Variants in FRA10AC1 observed in about 807,000 individuals in gnomAD.
FRA10AC1 encodes the protein protein FRA10AC1.
A neutral mutation model predicts 56.5 loss-of-function variants in FRA10AC1; 43 were observed. That is an observed-to-expected ratio of 0.76 (90% CI 0.60 to 0.98). FRA10AC1 has a LOEUF of 0.98. Among genes scored for constraint, FRA10AC1 ranks in the 50% least tolerant of loss-of-function variants. FRA10AC1 has a pLI of 0.00. For missense variants in FRA10AC1, 346 were observed against 351.8 expected (o/e 0.98, Z 0.13); for synonymous variants, 112 against 110.5 (o/e 1.01, Z -0.09).
In FRA10AC1 at chr10:93,692,060, T is replaced by C. The variant is rs2059132982; in HGVS notation, c.414A>G (p.Lys138=). 3 of 1,560,398 alleles carry C rather than the reference T, an allele frequency of 1.9e-6. No individual in the cohort carries two copies. The highest frequency in any genetic ancestry group is 2.6e-6 in the Non-Finnish European group (3 of 1,158,176). The change falls in exon 7 of 14, where the codon AAA becomes AAG. Residue 138 remains lysine (K), a synonymous_variant. Coordinates refer to ENST00000359204, the MANE Select transcript of FRA10AC1 (RefSeq NM_145246.5). ...CTGCTATGCAGTATTCCTTAAATAA[T>C]TTATCATAGTATTTCTTAGCAAGTC... ...EKRLAKKYYD[K]LFKEYCIADL...
At chr10:93,675,309 G>A (rs1361009782) in intron 12 of FRA10AC1, 4 of 152,068 alleles carry the variant, frequency 2.6e-5, no homozygotes, top group Non-Finnish European at 5.9e-5. Context: ...GTTTATATTT[G>A]AGTTTTGAAA....
At chr10:93,697,155 C>T (rs2133942105) in intron 4 of FRA10AC1, among the ~76,000 whole-genome samples, 1 of 152,236 alleles carries the variant, frequency 6.6e-6, no homozygotes, top group South Asian at 2.1e-4. Flanking sequence ...GCTCCAACTC[C>T]TCCTATGCCA....
At position 93,685,410 on chromosome 10, in the gene FRA10AC1, C is replaced by CTA. The variant is rs753669461; in HGVS notation, c.512-53_512-52dup. The CTA allele has an allele frequency of 9.2e-5, 77 of 835,540 alleles. 1 individual carries two copies. The South Asian group carries it at 1.1e-3, about 12-fold the overall frequency. The allele number at this position is 835,540 out of a possible 1,614,324, so 51.8% of individuals were successfully genotyped here. A position where few individuals can be genotyped will look rare whatever the true frequency, so the allele number is the denominator to read the frequency against. On this transcript the variant is annotated intron_variant, in intron 8 of 13. Transcript: ENST00000359204. Reference sequence around the variant, plus strand: ...TATGGTAGTTGGTGATAATATTTATCTATATGATCTAGTATTACCCCTAAA... The same window carrying CTA: ...TATGGTAGTTGGTGATAATATTTATCTATATATGATCTAGTATTACCCCTAAA...
At chr10:93,699,552 CA>C (rs1469069496) in intron 2 of FRA10AC1, among the ~76,000 whole-genome samples, 1 of 152,106 alleles carries the variant, frequency 6.6e-6, no homozygotes, top group Non-Finnish European at 1.5e-5. Flanking sequence ...TCTTGCAATT[CA>C]AAAAAACCTT....
intron 11 of FRA10AC1, among the ~76,000 whole-genome samples, chr10:93,679,606 C>T (rs1224124501): frequency 6.6e-6 from 1 of 152,028 alleles, no homozygotes. Flanking sequence ...GGAGTGTGAA[C>T]GTGAGGTACA....
chr10:93,689,788 A>G (rs2059095246), intron 7 of FRA10AC1, among the ~76,000 whole-genome samples: 1 of 152,186 alleles, frequency 6.6e-6, no homozygotes, highest in Non-Finnish European at 1.5e-5. Context: ...TTTGGTGCTG[A>G]GCCTCCTTTT....
intron 11 of FRA10AC1, 87 bp downstream of exon 11, chr10:93,681,393 C>T: frequency 1.2e-6 from 1 of 842,588 alleles, no homozygotes; most frequent in Non-Finnish European, 1.8e-6. Flanking sequence ...ATTCTCAATG[C>T]ATTCACCAAT....
chr10:93,681,533 T>C lies in FRA10AC1; in HGVS notation c.734A>G (p.His245Arg). 6.3e-7 allele frequency: 1 copy of C among 1,581,722 alleles called. No homozygotes were observed. Among genetic ancestry groups the C allele is most frequent in the South Asian group, 1.2e-5 (1 of 84,448 alleles). The change falls in exon 11 of 14, where the codon CAT (histidine) becomes CGT (arginine). Residue 245 changes from histidine to arginine, a missense_variant. By Grantham distance (29) the His-to-Arg change is conservative. Transcript: ENST00000359204. The stretch of plus-strand genomic sequence containing the variant: ...TGCAGAAGATAATCTGGATTTTTTA[T>C]GTGATGACTCTTCACAGTCTTTTTT... ...KTKKDCEESS[H>R]KKSRLSSAEE...
At chr10:93,695,092 G>A (rs781181512) in intron 4 of FRA10AC1, among the ~76,000 whole-genome samples, 155 bp from the exon 5 acceptor site, 96 of 152,042 alleles carry the variant, frequency 6.3e-4, no homozygotes, top group Non-Finnish European at 1.1e-3. Context: ...AGAAAATCTA[G>A]AAGGGTATAT....
intron 11 of FRA10AC1, among the ~76,000 whole-genome samples, chr10:93,677,010 TA>T (rs2058853792): frequency 6.6e-6 from 1 of 152,170 alleles, no homozygotes; most frequent in South Asian, 2.1e-4. Flanking sequence ...ATATAAGCAA[TA>T]ATTTATTATC....
In FRA10AC1 at chr10:93,669,768, T is replaced by C. The variant is rs1218201232; in HGVS notation, c.*58A>G. The C allele has an allele frequency of 6.2e-6, 7 of 1,129,516 alleles. No individual in the cohort carries two copies. The highest frequency in any genetic ancestry group is 3.2e-5 in the African/African-American group (2 of 62,054). The allele number at this position is 1,129,516 out of a possible 1,614,324, so 70.0% of individuals were successfully genotyped here. On this transcript the variant is annotated 3_prime_UTR_variant, in exon 14 of 14. Coordinates refer to ENST00000359204, the MANE Select transcript of FRA10AC1 (RefSeq NM_145246.5). Reference sequence around the variant, plus strand: ...AACTTATATGGAATTTCAAATTGCATGAAGTTTAAAACTTCATGAAGTTTC... The same window carrying C: ...AACTTATATGGAATTTCAAATTGCACGAAGTTTAAAACTTCATGAAGTTTC...
Position 93,698,383 on chromosome 10 carries a change from C to T in FRA10AC1, c.91G>A (p.Asp31Asn), listed in dbSNP as rs2059270798. 2.5e-6 allele frequency: 4 copies of T among 1,600,582 alleles called. No individual in the cohort carries two copies. Among genetic ancestry groups the T allele is most frequent in the Non-Finnish European group, 3.4e-6 (4 of 1,168,726 alleles). ...SKRKKRTVED[D>N]LLLQKPFQKE... ...TGAAATGGTTTTTGGAGCAGTAAGT[C>T]ATCTTCAACTGTCCTGATATATTAA... The change falls in exon 3 of 14, where the codon GAC becomes AAC. Residue 31 changes from aspartate to asparagine, a missense_variant. Asp to Asn is a conservative substitution (Grantham distance 23). Coordinates refer to ENST00000359204, the MANE Select transcript of FRA10AC1 (RefSeq NM_145246.5).
chr10:93,673,230 C>T (rs962617767), intron 12 of FRA10AC1: 2 of 433,152 alleles, frequency 4.6e-6, no homozygotes, highest in South Asian at 1.7e-5. Context: ...GTTCTGCCAA[C>T]CCAGAGTCAT....
At chr10:93,670,684 T>C (rs1474466628) in intron 13 of FRA10AC1, 86 bp downstream of exon 13, 1 of 844,344 alleles carries the variant, frequency 1.2e-6, no homozygotes. Context: ...CACCATGATG[T>C]TGTATTTTTC....
intron 9 of FRA10AC1, 81 bp downstream of exon 9, chr10:93,685,165 T>A: frequency 1.4e-6 from 1 of 710,944 alleles, no homozygotes; most frequent in South Asian, 1.7e-5. Context: ...AAAAATTGCA[T>A]TTGAATTTTA....
rs552857146 is a variant in FRA10AC1, at chr10:93,676,706, T to C, written c.788-15A>G. 6.4e-7 allele frequency: 1 copy of C among 1,564,878 alleles called. No homozygotes were observed. Among genetic ancestry groups the C allele is most frequent in the East Asian group, 2.3e-5 (1 of 43,146 alleles). ...AGATGAATGTCCTGAAAAGGAAACA[T>C]CATTGATTTATTAACTATCATCTTG... On this transcript the variant is annotated splice_polypyrimidine_tract_variant and intron_variant, in intron 11 of 13. Coordinates refer to ENST00000359204, the MANE Select transcript of FRA10AC1 (RefSeq NM_145246.5).
chr10:93,684,705 G>A (rs1008682969), intron 9 of FRA10AC1, among the ~76,000 whole-genome samples: 1 of 152,018 alleles, frequency 6.6e-6, no homozygotes, highest in Non-Finnish European at 1.5e-5. Context: ...GCTGACACAT[G>A]AAGACTAACT....
At chr10:93,694,564 A>C (rs759281456) in intron 5 of FRA10AC1, among the ~76,000 whole-genome samples, 1 of 151,974 alleles carries the variant, frequency 6.6e-6, no homozygotes, top group Non-Finnish European at 1.5e-5. Flanking sequence ...AAATACAAAA[A>C]TTAGCCAGGC....
rs917905081 is a variant in FRA10AC1 at position 93,698,288 on chromosome 10, T to C, written c.173+13A>G. The C allele has an allele frequency of 8.2e-6, 13 of 1,580,854 alleles. No individual in the cohort carries two copies. Among genetic ancestry groups the C allele is most frequent in the African/African-American group, 4.0e-5 (3 of 74,368 alleles). On this transcript the variant is annotated intron_variant, in intron 3 of 13. Transcript: ENST00000359204. The stretch of plus-strand genomic sequence containing the variant: ...TTAAACCAAGAAATAGAATTGACAC[T>C]GAAATACCATACCTATCCAGCAATT...
Sources: gnomAD v4.1 joint callset for allele counts (sites outside exome capture counted in the v4.1 genomes callset) on GRCh38, gnomAD v4.1.1 for gene constraint, MANE v1.5 for transcripts, NCBI Gene and HGNC (gene_info 2026-07-23, HGNC 2026-07-21) for gene names.